Variants in DLGAP1 observed in about 807,000 individuals in gnomAD.
The protein encoded by DLGAP1 is disks large-associated protein 1.
In DLGAP1, 11 loss-of-function variants were observed where a neutral mutation model predicts 90.8. The ratio of observed to expected loss-of-function variants is 0.12; its 90% CI spans 0.08 to 0.20. DLGAP1 has a LOEUF of 0.20. Ranked by LOEUF, DLGAP1 falls within the 10% of genes least tolerant of loss-of-function variation. The pLI is 1.00. For synonymous variants in DLGAP1, 558 were observed against 540.7 expected (o/e 1.03, Z -0.44); for missense variants, 1,050 against 1,333.8 (o/e 0.79, Z 3.31).
intron 1 of DLGAP1, among the ~76,000 whole-genome samples, chr18:4,216,773 G>A (rs1039099995): frequency 1.3e-5 from 2 of 152,078 alleles, no homozygotes; most frequent in Non-Finnish European, 2.9e-5. Flanking sequence ...TGAATGAAAA[G>A]TATGGCAAGT....
At chr18:3,881,973 T>G (rs903642679) in intron 3 of DLGAP1, among the ~76,000 whole-genome samples, 1 of 152,206 alleles carries the variant, frequency 6.6e-6, no homozygotes, top group Admixed American at 6.5e-5. Flanking sequence ...CCTCGTATCT[T>G]TAGGATATCT....
intron 3 of DLGAP1, among the ~76,000 whole-genome samples, chr18:3,900,922 G>A (rs756449899): frequency 1.3e-5 from 2 of 151,996 alleles, no homozygotes; most frequent in Non-Finnish European, 2.9e-5. Context: ...CCTCGACCTC[G>A]TTATTTTCCG....
rs2081612662 is a variant in DLGAP1 at position 4,360,720 on chromosome 18, T to C, written c.-267+94286A>G. Among the ~76,000 whole-genome samples the C allele has an allele frequency of 3.3e-5, 5 of 152,204 alleles. No individual in the cohort carries two copies. In the South Asian group the frequency reaches 1.0e-3, roughly 31 times the overall value. The stretch of plus-strand genomic sequence containing the variant: ...TAGGCCAGGTGCAGTGGCTCAAGCC[T>C]GTAATCCCAGAACTTTGGGAGGCTG... On this transcript the variant is annotated intron_variant, in intron 1 of 12. Transcript: ENST00000315677.
At chr18:4,011,753 G>A (rs2074426977) in intron 2 of DLGAP1, among the ~76,000 whole-genome samples, 1 of 152,234 alleles carries the variant, frequency 6.6e-6, no homozygotes, top group African/African-American at 2.4e-5. Flanking sequence ...GAGCCTAGGA[G>A]GTCAAGCCTG....
At chr18:3,758,435 T>A (rs1186129240) in intron 5 of DLGAP1, among the ~76,000 whole-genome samples, 2 of 152,218 alleles carry the variant, frequency 1.3e-5, no homozygotes, top group African/African-American at 4.8e-5. Flanking sequence ...AATCTCTTGA[T>A]GATATTGATC....
intron 2 of DLGAP1, among the ~76,000 whole-genome samples, chr18:4,089,718 A>G (rs2075739281): frequency 6.6e-6 from 1 of 152,238 alleles, no homozygotes; most frequent in Admixed American, 6.5e-5. Context: ...TGGTGCTGGG[A>G]AAACTGGCTA....
chr18:4,425,275 C>G (rs1363278220), intron 1 of DLGAP1, among the ~76,000 whole-genome samples: 1 of 152,138 alleles, frequency 6.6e-6, no homozygotes, highest in Admixed American at 6.5e-5. Flanking sequence ...GTAAAACTAA[C>G]TGTTTAATAT....
chr18:3,610,729 C>T (rs768044366), intron 7 of DLGAP1, among the ~76,000 whole-genome samples: 17 of 151,970 alleles, frequency 1.1e-4, no homozygotes, highest in Non-Finnish European at 2.5e-4. Context: ...ATCCCAGCTA[C>T]TTGGGAGGCT....
chr18:4,187,223 T>C (rs1444576413), intron 1 of DLGAP1, among the ~76,000 whole-genome samples: 3 of 152,196 alleles, frequency 2.0e-5, no homozygotes, highest in Non-Finnish European at 4.4e-5. Context: ...CTTCTTCTCT[T>C]CCTATCTGGA....
At chr18:4,432,206 G>T (rs1243970866) in intron 1 of DLGAP1, among the ~76,000 whole-genome samples, 1 of 152,144 alleles carries the variant, frequency 6.6e-6, no homozygotes, top group East Asian at 1.9e-4. Context: ...ATTTTGTTGG[G>T]CATGGTAGTA....
At chr18:3,791,973 G>A (rs780804047) in intron 5 of DLGAP1, among the ~76,000 whole-genome samples, 2 of 152,180 alleles carry the variant, frequency 1.3e-5, no homozygotes, top group Non-Finnish European at 2.9e-5. Context: ...GCAAAGTAAT[G>A]TGTTAATCCC....
At chr18:3,762,270 A>T (rs1469258978) in intron 5 of DLGAP1, among the ~76,000 whole-genome samples, 3 of 152,250 alleles carry the variant, frequency 2.0e-5, no homozygotes, top group Non-Finnish European at 2.9e-5. Flanking sequence ...AAGACTGTTG[A>T]CAACAGTATC....
chr18:3,960,997 C>G (rs2073186170), intron 3 of DLGAP1, among the ~76,000 whole-genome samples: 1 of 152,224 alleles, frequency 6.6e-6, no homozygotes, highest in South Asian at 2.1e-4. Context: ...TTTTCTTACT[C>G]TGGAAAAGAG....
At chr18:4,068,625 A>G (rs928914968) in intron 2 of DLGAP1, among the ~76,000 whole-genome samples, 3 of 152,180 alleles carry the variant, frequency 2.0e-5, no homozygotes, top group Non-Finnish European at 2.9e-5. Context: ...AAATGTTTTT[A>G]CATTTGTAGT....
rs529642099 is a variant in DLGAP1, at chr18:3,937,663, C to T, written c.-72-57523G>A. ...GTAATCGAATTTAGCAATGATAAAT[C>T]GGATATGAACAAAGTAGCTGAGTTT... On this transcript the variant is annotated intron_variant, in intron 3 of 12. Transcript: ENST00000315677. 4.6e-5 allele frequency among the ~76,000 whole-genome samples: 7 copies of T among 152,224 alleles called. No individual in the cohort carries two copies. The East Asian group carries it at 5.8e-4, about 13-fold the overall frequency.
At chr18:3,702,085 C>G (rs1201007244) in intron 7 of DLGAP1, among the ~76,000 whole-genome samples, 1 of 152,192 alleles carries the variant, frequency 6.6e-6, no homozygotes, top group East Asian at 1.9e-4. Flanking sequence ...GAGTCTCATA[C>G]TTGTCCCCCA....
rs145445129 is a variant in DLGAP1 at position 3,585,137 on chromosome 18, G to T, written c.1592-2889C>A. Among the ~76,000 whole-genome samples the T allele has an allele frequency of 4.9e-3, 749 of 152,286 alleles. 5 individuals are homozygous for T. Among genetic ancestry groups the T allele is most frequent in the African/African-American group, 0.017 (717 of 41,548 alleles). ...AGCTAATGCACCTGACAGGAAATAC[G>T]ACTCAGGGAAAATACAGTGCTTGCA... On this transcript the variant is annotated intron_variant, in intron 7 of 12. Coordinates refer to ENST00000315677, the MANE Select transcript of DLGAP1 (RefSeq NM_004746.4).
chr18:4,411,919 C>A (rs779139877), intron 1 of DLGAP1, among the ~76,000 whole-genome samples: 5 of 152,138 alleles, frequency 3.3e-5, no homozygotes, highest in African/African-American at 1.2e-4. Context: ...TTTGATTGAT[C>A]ACAGCCTGTC....
rs35460885 is a variant in DLGAP1 at position 3,846,043 on chromosome 18, GGTGT to G, written c.958-31774_958-31771del. ...TCCCAGAAAATCTTATTGAAAGTGT[GGTGT>G]GTGTGTGTGTGTGTGTGTGTGTGTG... On this transcript the variant is annotated intron_variant, in intron 4 of 12. Transcript: ENST00000315677. 2.3e-3 allele frequency among the ~76,000 whole-genome samples: 329 copies of G among 144,890 alleles called. 2 individuals carry two copies. The highest frequency in any genetic ancestry group is 3.7e-3 in the East Asian group (18 of 4,850).
Sources: gnomAD v4.1 joint callset for allele counts (sites outside exome capture counted in the v4.1 genomes callset) on GRCh38, gnomAD v4.1.1 for gene constraint, MANE v1.5 for transcripts, NCBI Gene and HGNC (gene_info 2026-07-23, HGNC 2026-07-21) for gene names.